UNC80: variants seen among roughly 807,000 people sequenced by gnomAD.
The protein encoded by UNC80 is protein unc-80 homolog.
A neutral mutation model predicts 384.6 loss-of-function variants in UNC80; 164 were observed. The observed-to-expected ratio is 0.43, with a 90% CI of 0.38 to 0.49. UNC80 has a LOEUF of 0.49. Among genes scored for constraint, UNC80 ranks in the 20% least tolerant of loss-of-function variants. The pLI is 0.00. For missense variants in UNC80, 3,330 were observed against 4,143.0 expected (o/e 0.80, Z 5.39); for synonymous variants, 1,486 against 1,527.8 (o/e 0.97, Z 0.64).
intron 23 of UNC80, 46 bp from the exon 24 acceptor site, chr2:209,877,908 G>A: frequency 6.8e-7 from 1 of 1,462,998 alleles, no homozygotes; most frequent in Non-Finnish European, 9.1e-7. Flanking sequence ...CTATTTTAGA[G>A]TTTGACTTAG....
chr2:209,955,076 T>C (rs1433330162), intron 48 of UNC80, among the ~76,000 whole-genome samples: 1 of 152,150 alleles, frequency 6.6e-6, no homozygotes, highest in African/African-American at 2.4e-5. Flanking sequence ...CTAAATTAGC[T>C]GCCAGGAAAT....
chr2:209,873,076 A>G, intron 23 of UNC80, 106 bp downstream of exon 23: 1 of 1,061,136 alleles, frequency 9.4e-7, no homozygotes, highest in Non-Finnish European at 1.4e-6. Flanking sequence ...AGTGTTTGTT[A>G]TGTACCAGGT....
intron 34 of UNC80, 99 bp from the exon 35 acceptor site, chr2:209,922,152 TG>T: frequency 7.6e-7 from 1 of 1,318,462 alleles, no homozygotes; most frequent in Non-Finnish European, 1.0e-6. Flanking sequence ...TTAAGCCTTA[TG>T]GTCTGAGAGC....
Position 209,831,566 on chromosome 2 carries a change from A to T in UNC80, c.2750A>T (p.His917Leu). Residue 917 changes from histidine (H) to leucine (L), a missense_variant, in exon 16 of 65, where the codon CAT becomes CTT. Physicochemically the swap from His to Leu is moderately conservative, Grantham distance 99 (BLOSUM62 -3). Around this residue, in one of 8 missense-constraint regions of UNC80, gnomAD observed 937 missense variants for 1,026.8 expected, o/e 0.91. Transcript: ENST00000673920. ...ATCACACGCTGCGCTTCAACCACACATGAATTGCACAGCCCTGAGAATCTG... is the reference window on the plus strand; with the variant it reads ...ATCACACGCTGCGCTTCAACCACACTTGAATTGCACAGCCCTGAGAATCTG... ...SLITRCASTTHELHSPENLGL... is the reference protein window; with the variant it reads ...SLITRCASTTLELHSPENLGL... 6.5e-7 allele frequency: 1 copy of T among 1,549,214 alleles called. No individual in the cohort carries two copies. Among genetic ancestry groups the T allele is most frequent in the South Asian group, 1.2e-5 (1 of 83,690 alleles).
chr2:209,817,865 A>T lies in UNC80; in HGVS notation c.1606A>T (p.Ser536Cys), dbSNP rs1184024097. 16 of 1,551,522 alleles carry T rather than the reference A, an allele frequency of 1.0e-5. No individual in the cohort carries two copies. Among genetic ancestry groups the T allele is most frequent in the Non-Finnish European group, 1.4e-5 (16 of 1,146,990 alleles). The change falls in exon 11 of 65, where the codon AGC becomes TGC. Residue 536 changes from serine (S) to cysteine (C), a missense_variant. By Grantham distance (112) the Ser-to-Cys change is moderately radical (BLOSUM62 -1). Coordinates refer to ENST00000673920, the MANE Select transcript of UNC80 (RefSeq NM_001371986.1). ...SDAATEMESLSARHSHSHHTL... is the reference protein window; with the variant it reads ...SDAATEMESLCARHSHSHHTL... ...TGCAGCCACTGAGATGGAGAGTCTG[A>T]GCGCCAGGCATTCCCACTCCCATCA...
intron 38 of UNC80, among the ~76,000 whole-genome samples, chr2:209,932,409 G>T (rs2090947517): frequency 6.6e-6 from 1 of 152,112 alleles, no homozygotes; most frequent in South Asian, 2.1e-4. Flanking sequence ...TTAGGTGTGT[G>T]CCCTGCCAAA....
intron 6 of UNC80, among the ~76,000 whole-genome samples, chr2:209,791,014 T>C (rs1375939635): frequency 1.3e-5 from 2 of 152,202 alleles, no homozygotes; most frequent in African/African-American, 4.8e-5. Context: ...TCTCATATTA[T>C]GTTATACTTA....
intron 28 of UNC80, among the ~76,000 whole-genome samples, chr2:209,904,198 A>G (rs754554539): frequency 4.6e-5 from 7 of 152,248 alleles, no homozygotes; most frequent in Non-Finnish European, 7.4e-5. Flanking sequence ...AGGATGTTCT[A>G]AAAGCCAGAG....
At chr2:209,904,555 A>T (rs2087941570) in intron 28 of UNC80, among the ~76,000 whole-genome samples, 1 of 152,214 alleles carries the variant, frequency 6.6e-6, no homozygotes, top group African/African-American at 2.4e-5. Flanking sequence ...TTTCAAAGAG[A>T]TCCTTCTATC....
chr2:209,881,150 T>G, intron 25 of UNC80, 56 bp downstream of exon 25: 1 of 1,506,196 alleles, frequency 6.6e-7, no homozygotes, highest in South Asian at 1.3e-5. Flanking sequence ...CAGGCGTGTG[T>G]CTGGGTTTCC....
intron 4 of UNC80, among the ~76,000 whole-genome samples, chr2:209,784,263 T>C (rs1190970577): frequency 2.0e-5 from 3 of 152,204 alleles, no homozygotes; most frequent in Non-Finnish European, 2.9e-5. Context: ...GTCTATTCTT[T>C]CACTGTTGCC....
intron 21 of UNC80, among the ~76,000 whole-genome samples, chr2:209,846,972 T>A (rs2082214967): frequency 6.6e-6 from 1 of 152,126 alleles, no homozygotes; most frequent in African/African-American, 2.4e-5. Context: ...TTTTCTAACA[T>A]GATCACTACC....
intron 22 of UNC80, among the ~76,000 whole-genome samples, chr2:209,860,819 T>G (rs7594174): frequency 0.49 from 74,186 of 151,988 alleles, 18,360 homozygotes; most frequent in South Asian, 0.64. Context: ...GATTGTGAAT[T>G]GGAGTTCATT....
intron 23 of UNC80, among the ~76,000 whole-genome samples, chr2:209,875,069 A>C (rs1450735113): frequency 1.3e-5 from 2 of 151,946 alleles, no homozygotes; most frequent in African/African-American, 4.8e-5. Context: ...TTCTCCTCAC[A>C]GTCTCCTCTC....
At chr2:209,826,184 T>G in intron 14 of UNC80, 131 bp downstream of exon 14, 1 of 1,124,498 alleles carries the variant, frequency 8.9e-7, no homozygotes, top group South Asian at 1.9e-5. Context: ...TAATGCTGTT[T>G]TGGTGTGAGG....
chr2:209,868,735 A>G (rs1292125326), intron 22 of UNC80, among the ~76,000 whole-genome samples: 1 of 152,182 alleles, frequency 6.6e-6, no homozygotes, highest in Non-Finnish European at 1.5e-5. Context: ...CAACTGGACA[A>G]CCCTGTAACC....
intron 47 of UNC80, among the ~76,000 whole-genome samples, chr2:209,947,405 C>A (rs13426732): frequency 0.023 from 3,502 of 152,238 alleles, 124 homozygotes; most frequent in African/African-American, 0.079. Flanking sequence ...CAAATTTTAC[C>A]AAATTTCCAT....
At chr2:209,906,084 T>C (rs1316232492) in intron 29 of UNC80, among the ~76,000 whole-genome samples, 1 of 152,098 alleles carries the variant, frequency 6.6e-6, no homozygotes, top group Non-Finnish European at 1.5e-5. Context: ...AAAAAAAAAC[T>C]AGAAGCAGAA....
chr2:209,849,578 AG>A lies in UNC80; in HGVS notation c.3585del (p.Thr1196GlnfsTer8), dbSNP rs755200170. 1 of 1,551,000 alleles carries A rather than the reference AG, an allele frequency of 6.4e-7. No individual in the cohort carries two copies. Among genetic ancestry groups the A allele is most frequent in the Non-Finnish European group, 8.7e-7 (1 of 1,146,538 alleles). ...FQFLLNCCEP[G>X]TIPDASILAA... The stretch of plus-strand genomic sequence containing the variant: ...AATTTCTGTTAAACTGCTGTGAGCC[AG>A]GGACAATTCCTGATGCCTCCATCCT... On this transcript the variant is annotated frameshift_variant, in exon 22 of 65. Coordinates refer to ENST00000673920, the MANE Select transcript of UNC80 (RefSeq NM_001371986.1). LOFTEE classifies it high-confidence loss of function.
Sources: allele counts gnomAD v4.1 joint callset (sites outside exome capture counted in the v4.1 genomes callset), GRCh38; gene constraint gnomAD v4.1.1; regional missense constraint gnomAD v4.1.1; transcripts MANE v1.5; gene names NCBI Gene and HGNC (gene_info 2026-07-23, HGNC 2026-07-21).